Variants in TFG observed in about 807,000 individuals in gnomAD.
TFG encodes the protein protein TFG.
A neutral mutation model predicts 51.4 loss-of-function variants in TFG; 22 were observed. The observed-to-expected ratio is 0.43, with a 90% CI of 0.31 to 0.61. The LOEUF (loss-of-function observed/expected upper bound fraction) is 0.61, where lower values mean the gene tolerates loss of function less well. Ranked by LOEUF, TFG falls within the 20% of genes least tolerant of loss-of-function variation. The pLI is 0.12. For synonymous variants in TFG, 187 were observed against 165.6 expected (o/e 1.13, Z -0.99); for missense variants, 419 against 487.7 (o/e 0.86, Z 1.33).
In TFG at chr3:100,709,553, G is replaced by A. The variant is rs1292301950; in HGVS notation, c.-212G>A. On this transcript the variant is annotated 5_prime_UTR_variant, in exon 1 of 8. Coordinates refer to ENST00000240851, the MANE Select transcript of TFG (RefSeq NM_006070.6). ...TTCTCGCTAGGCTTGTTGGGTCAGC[G>A]CGATTGGCCGGGGCCCGCGCGAGCC... is the stretch of plus-strand genomic sequence containing the variant. The A allele has an allele frequency of 2.0e-5, 3 of 151,934 alleles. No homozygotes were observed. The highest frequency in any genetic ancestry group is 7.3e-5 in the African/African-American group (3 of 41,370). The allele number at this position is 151,934 out of a possible 1,614,324, so 9.4% of individuals were successfully genotyped here.
chr3:100,745,684 T>A (rs562664884), intron 7 of TFG, among the ~76,000 whole-genome samples: 10 of 152,348 alleles, frequency 6.6e-5, no homozygotes, highest in African/African-American at 1.9e-4. Flanking sequence ...TAATTAGAAA[T>A]AATTTATGCA....
At chr3:100,716,435 A>T (rs2095046716) in intron 2 of TFG, among the ~76,000 whole-genome samples, 1 of 152,138 alleles carries the variant, frequency 6.6e-6, no homozygotes, top group Non-Finnish European at 1.5e-5. Context: ...TTTATCAGTT[A>T]ATCTGTTGTT....
intron 6 of TFG, chr3:100,744,182 T>G (rs1399940243): frequency 6.6e-6 from 1 of 152,220 alleles, no homozygotes; most frequent in East Asian, 1.9e-4. Flanking sequence ...AGGACTCCCA[T>G]GTTCAAGAAC....
chr3:100,716,142 G>A (rs2095045256), intron 2 of TFG, among the ~76,000 whole-genome samples: 1 of 151,994 alleles, frequency 6.6e-6, no homozygotes, highest in Admixed American at 6.6e-5. Context: ...ATCCTATAGT[G>A]CTATAGAACA....
intron 6 of TFG, chr3:100,742,479 T>C (rs2095123919): frequency 6.6e-6 from 1 of 152,220 alleles, no homozygotes; most frequent in Non-Finnish European, 1.5e-5. Context: ...GTGGCTGAAA[T>C]CTATCCCATC....
chr3:100,713,752 C>T lies in TFG; in HGVS notation c.67C>T (p.Arg23Ter). 1 of 1,609,812 alleles carries T rather than the reference C, an allele frequency of 6.2e-7. No individual in the cohort carries two copies. The highest frequency in any genetic ancestry group is 8.5e-7 in the Non-Finnish European group (1 of 1,177,452). ...AGCTCAACTTGGGGAGGATATTCGG[C>T]GAATTCCTATTCATAATGAAGATAT... ...IKAQLGEDIR[R>*]IPIHNEDITY... Residue 23 changes from arginine to a stop codon, truncating the protein, a stop_gained, in exon 2 of 8, where the codon CGA (arginine) becomes TGA (stop). Coordinates refer to ENST00000240851, the MANE Select transcript of TFG (RefSeq NM_006070.6). LOFTEE classifies it high-confidence loss of function.
chr3:100,721,360 A>G (rs1005482742), intron 3 of TFG, among the ~76,000 whole-genome samples: 4 of 152,200 alleles, frequency 2.6e-5, no homozygotes, highest in African/African-American at 7.2e-5. Context: ...TAGAGATTTT[A>G]GCCTGCATAA....
intron 6 of TFG, among the ~76,000 whole-genome samples, chr3:100,739,687 C>A (rs1027186342): frequency 1.3e-5 from 2 of 151,980 alleles, no homozygotes; most frequent in Admixed American, 1.3e-4. Context: ...CAACACTTAC[C>A]AATATTTTGG....
chr3:100,744,149 T>G (rs936288205), intron 6 of TFG: 2 of 152,194 alleles, frequency 1.3e-5, no homozygotes, highest in Admixed American at 6.5e-5. Flanking sequence ...GAACAGTGGT[T>G]GTTGACCCCA....
chr3:100,726,091 C>G (rs1297779020), intron 3 of TFG, among the ~76,000 whole-genome samples: 1 of 152,144 alleles, frequency 6.6e-6, no homozygotes. Context: ...GTCCAAAAGC[C>G]TGAAAACCAG....
chr3:100,727,846 A>T (rs2095080200), intron 3 of TFG, among the ~76,000 whole-genome samples: 3 of 152,068 alleles, frequency 2.0e-5, no homozygotes. Context: ...ATTTTTTAAA[A>T]TTTTTTGAGA....
chr3:100,729,612 C>A (rs368037715), intron 4 of TFG, among the ~76,000 whole-genome samples: 2 of 151,552 alleles, frequency 1.3e-5, no homozygotes, highest in Admixed American at 6.6e-5. Context: ...TTTACAAATT[C>A]TTTGTTTGCT....
In TFG at chr3:100,713,761, A is replaced by T; in HGVS notation, c.76A>T (p.Ile26Phe). Residue 26 changes from isoleucine to phenylalanine, a missense_variant, in exon 2 of 8, where the codon ATT becomes TTT. Physicochemically the swap from Ile to Phe is conservative, Grantham distance 21. Transcript: ENST00000240851. ...QLGEDIRRIP[I>F]HNEDITYDEL... Reference sequence around the variant, plus strand: ...TGGGGAGGATATTCGGCGAATTCCTATTCATAATGAAGATATTACTTATGA... The same window carrying T: ...TGGGGAGGATATTCGGCGAATTCCTTTTCATAATGAAGATATTACTTATGA... 1 of 1,611,408 alleles carries T rather than the reference A, an allele frequency of 6.2e-7. No homozygotes were observed.
At position 100,748,188 on chromosome 3, in the gene TFG, A is replaced by G. The variant is rs748826156; in HGVS notation, c.860A>G (p.Gln287Arg). The change falls in exon 8 of 8, where the codon CAG (glutamine) becomes CGG (arginine). Residue 287 changes from glutamine (Q) to arginine (R), a missense_variant. By Grantham distance (43) the Gln-to-Arg change is conservative (BLOSUM62 1). Around this residue, in one of 3 missense-constraint regions of TFG, gnomAD observed 391 missense variants for 434.4 expected, o/e 0.90. Transcript: ENST00000240851. ...CAGACTGGACCTCAACAACCTCAGC[A>G]GTTCCAGGGATATGGCCAGCAACCA... ...SQQTGPQQPQ[Q>R]FQGYGQQPTS... 3.1e-6 allele frequency: 5 copies of G among 1,614,082 alleles called. No individual in the cohort carries two copies. Among genetic ancestry groups the G allele is most frequent in the Non-Finnish European group, 4.2e-6 (5 of 1,179,962 alleles).
intron 5 of TFG, among the ~76,000 whole-genome samples, chr3:100,733,932 TGAG>T (rs1355700559): frequency 4.6e-5 from 7 of 152,148 alleles, no homozygotes; most frequent in African/African-American, 9.6e-5. Flanking sequence ...AAGGAAAAAA[TGAG>T]GAGAATATAT....
At chr3:100,744,234 C>T (rs1264328540) in intron 6 of TFG, 1 of 152,134 alleles carries the variant, frequency 6.6e-6, no homozygotes, top group Non-Finnish European at 1.5e-5. Flanking sequence ...TTAAATAGTG[C>T]AATGAAGAAC....
Position 100,728,864 on chromosome 3 carries a change from C to G in TFG, c.415+6C>G, listed in dbSNP as rs140327635. On this transcript the variant is annotated splice_donor_region_variant and intron_variant, in intron 4 of 7. Coordinates refer to ENST00000240851, the MANE Select transcript of TFG (RefSeq NM_006070.6). ...CACCAATATTCCTGAAAATGGTAAA[C>G]CCTGAATCCATTGTATTCTGACTTA... 6.3e-7 allele frequency: 1 copy of G among 1,596,594 alleles called. No individual in the cohort carries two copies. Among genetic ancestry groups the G allele is most frequent in the African/African-American group, 1.4e-5 (1 of 73,706 alleles).
intron 4 of TFG, among the ~76,000 whole-genome samples, chr3:100,732,264 G>GGTAA (rs1267207762): frequency 6.6e-6 from 1 of 152,002 alleles, no homozygotes; most frequent in East Asian, 1.9e-4. Flanking sequence ...TACAAAAGGA[G>GGTAA]GTAAATAATT....
In TFG at chr3:100,720,048, G is replaced by A; in HGVS notation, c.258G>A (p.Leu86=). 7 of 1,553,108 alleles carry A rather than the reference G, an allele frequency of 4.5e-6. No homozygotes were observed. The highest frequency in any genetic ancestry group is 6.1e-6 in the Non-Finnish European group (7 of 1,148,632). The change falls in exon 3 of 8, where the codon CTG becomes CTA. Residue 86 remains leucine (L), a synonymous_variant. Transcript: ENST00000240851. ...FAIQCSRILK[L]TLFVNGQPRP... ...TTCAGTGCAGTAGGATACTGAAACTGACATTATTTGGTGAGTAGTAAACTT... is the reference window on the plus strand; with the variant it reads ...TTCAGTGCAGTAGGATACTGAAACTAACATTATTTGGTGAGTAGTAAACTT...
Sources: allele counts gnomAD v4.1 joint callset (sites outside exome capture counted in the v4.1 genomes callset), GRCh38; gene constraint gnomAD v4.1.1; regional missense constraint gnomAD v4.1.1; transcripts MANE v1.5; gene names NCBI Gene and HGNC (gene_info 2026-07-23, HGNC 2026-07-21).